The following PARD3 variants were observed in gnomAD, a reference collection of about 807,000 sequenced individuals.
The protein encoded by PARD3 is partitioning defective 3 homolog.
PARD3 carries 75 observed loss-of-function variants against 155.4 expected under a neutral mutation model. That is an observed-to-expected ratio of 0.48 (90% CI 0.40 to 0.58). The LOEUF (loss-of-function observed/expected upper bound fraction) is 0.58. Ranked by LOEUF, PARD3 falls within the 20% of genes least tolerant of loss-of-function variation. The pLI is 0.00. For synonymous variants in PARD3, 576 were observed against 610.5 expected (o/e 0.94, Z 0.83); for missense variants, 1,642 against 1,721.7 (o/e 0.95, Z 0.82).
intron 2 of PARD3, among the ~76,000 whole-genome samples, chr10:34,616,078 G>A (rs192126544): frequency 3.9e-4 from 60 of 152,288 alleles, no homozygotes; most frequent in African/African-American, 1.2e-3. Flanking sequence ...TAGCACTTTA[G>A]GAGGCAGAGG....
chr10:34,514,700 T>C (rs1046803170), intron 3 of PARD3, among the ~76,000 whole-genome samples: 3 of 152,076 alleles, frequency 2.0e-5, no homozygotes, highest in Non-Finnish European at 4.4e-5. Context: ...AAAAACAAGA[T>C]AAAAAGAGAT....
chr10:34,393,472 T>C (rs1843023874), intron 7 of PARD3, among the ~76,000 whole-genome samples: 1 of 151,836 alleles, frequency 6.6e-6, no homozygotes, highest in African/African-American at 2.4e-5. Context: ...TCCCAGCTGC[T>C]TGGGAGGCTG....
chr10:34,534,672 A>G (rs1338364339), intron 2 of PARD3, among the ~76,000 whole-genome samples: 15 of 152,168 alleles, frequency 9.9e-5, no homozygotes. Flanking sequence ...CGGCTGCAGA[A>G]CAGTAGGGAC....
rs2077689394 is a variant in PARD3, at chr10:34,462,108, T to C, written c.582+7977A>G. ...TATTTTAATATGCAAAATAGAAGGG[T>C]AAAATTTATAGTTATAGAGACCTCT... On this transcript the variant is annotated intron_variant, in intron 4 of 24. Coordinates refer to ENST00000374788, the MANE Select transcript of PARD3 (RefSeq NM_001184785.2). 2.0e-5 allele frequency among the ~76,000 whole-genome samples: 3 copies of C among 152,294 alleles called. No homozygotes were observed. In the South Asian group the frequency reaches 6.2e-4, roughly 32 times the overall value.
chr10:34,227,087 G>GA (rs756773725), intron 22 of PARD3, among the ~76,000 whole-genome samples: 6 of 152,128 alleles, frequency 3.9e-5, no homozygotes, highest in Non-Finnish European at 7.4e-5. Context: ...ACAACCTACA[G>GA]AATGGGAAAA....
At chr10:34,193,084 T>G (rs1478162921) in intron 22 of PARD3, among the ~76,000 whole-genome samples, 2 of 152,244 alleles carry the variant, frequency 1.3e-5, no homozygotes, top group Admixed American at 6.5e-5. Flanking sequence ...AAACACCTTT[T>G]GAATTAAACA....
intron 3 of PARD3, among the ~76,000 whole-genome samples, chr10:34,500,111 C>T (rs535274937): frequency 6.6e-6 from 1 of 152,258 alleles, no homozygotes; most frequent in South Asian, 2.1e-4. Flanking sequence ...TACATACTTG[C>T]TGAATGCAAA....
chr10:34,342,538 A>C (rs2384212), intron 15 of PARD3, among the ~76,000 whole-genome samples: 84,202 of 151,988 alleles, frequency 0.55, 23,884 homozygotes, highest in African/African-American at 0.67. Context: ...AGTCAGGTGA[A>C]ACTTAAAAGA....
intron 19 of PARD3, among the ~76,000 whole-genome samples, chr10:34,330,214 G>A (rs1835469376): frequency 1.3e-5 from 2 of 152,202 alleles, no homozygotes; most frequent in South Asian, 4.1e-4. Context: ...TCACTATTAG[G>A]ACTCCTAAGC....
chr10:34,724,867 G>A (rs1027136343), intron 1 of PARD3, among the ~76,000 whole-genome samples: 13 of 152,172 alleles, frequency 8.5e-5, no homozygotes, highest in Admixed American at 8.5e-4. Flanking sequence ...GCAAATGCTG[G>A]AGCAGTAGAA....
intron 1 of PARD3, among the ~76,000 whole-genome samples, chr10:34,734,261 C>A (rs1025428416): frequency 6.7e-6 from 1 of 148,968 alleles, no homozygotes; most frequent in Non-Finnish European, 1.5e-5. Flanking sequence ...CACTTCTGCA[C>A]TTGGAAAATC....
intron 5 of PARD3, among the ~76,000 whole-genome samples, chr10:34,404,503 T>C (rs1844234571): frequency 6.6e-6 from 1 of 152,090 alleles, no homozygotes; most frequent in Admixed American, 6.6e-5. Flanking sequence ...CCCGCCTCTA[T>C]TTTTTTCTTA....
intron 2 of PARD3, among the ~76,000 whole-genome samples, chr10:34,574,455 G>A (rs1469286400): frequency 6.6e-6 from 1 of 152,116 alleles, no homozygotes; most frequent in African/African-American, 2.4e-5. Flanking sequence ...CAGTGCTCCT[G>A]CTACCAAGAG....
chr10:34,473,515 T>C (rs1450446955), intron 3 of PARD3, among the ~76,000 whole-genome samples: 1 of 141,388 alleles, frequency 7.1e-6, no homozygotes, highest in Admixed American at 7.0e-5. Context: ...AGTGAGATCC[T>C]GTCTCTACAA....
rs548642119 is a variant in PARD3, at chr10:34,748,365, G to A, written c.121-51946C>T. Among the ~76,000 whole-genome samples the A allele has an allele frequency of 3.9e-5, 6 of 152,304 alleles. No individual in the cohort carries two copies. In the Middle Eastern group the frequency reaches 0.01, roughly 259 times the overall value. ...TGCGCCTGTAATCCCAGCTACTCGG[G>A]AGGCTGAGGCACAAGAATCGATTGA... On this transcript the variant is annotated intron_variant, in intron 1 of 24. Transcript: ENST00000374788.
intron 22 of PARD3, among the ~76,000 whole-genome samples, chr10:34,167,447 G>A (rs748368859): frequency 6.6e-6 from 1 of 151,712 alleles, no homozygotes; most frequent in Non-Finnish European, 1.5e-5. Flanking sequence ...CGTGGTTTTC[G>A]TGAAAAGGTG....
chr10:34,511,091 G>A (rs2081371327), intron 3 of PARD3, among the ~76,000 whole-genome samples: 1 of 152,176 alleles, frequency 6.6e-6, no homozygotes, highest in African/African-American at 2.4e-5. Flanking sequence ...TGCCCCTGCA[G>A]TTGATTTTAT....
intron 14 of PARD3, among the ~76,000 whole-genome samples, chr10:34,358,520 C>T (rs1297967234): frequency 6.6e-6 from 1 of 152,072 alleles, no homozygotes; most frequent in African/African-American, 2.4e-5. Flanking sequence ...CAAGAGAACA[C>T]CATCATCTAA....
At chr10:34,431,825 G>A (rs1223363533) in intron 5 of PARD3, among the ~76,000 whole-genome samples, 1 of 149,618 alleles carries the variant, frequency 6.7e-6, no homozygotes, top group Non-Finnish European at 1.5e-5. Flanking sequence ...CGAGGCGGGT[G>A]GATCATTAGG....
Sources: allele counts gnomAD v4.1 joint callset (sites outside exome capture counted in the v4.1 genomes callset), GRCh38; gene constraint gnomAD v4.1.1; transcripts MANE v1.5; gene names NCBI Gene and HGNC (gene_info 2026-07-23, HGNC 2026-07-21).